The following TGFA variants were observed in gnomAD, a reference collection of about 807,000 sequenced individuals.
TGFA encodes the protein protransforming growth factor alpha.
TGFA carries 12 observed loss-of-function variants against 21.7 expected under a neutral mutation model. The observed-to-expected ratio is 0.55, with a 90% CI of 0.35 to 0.90. The LOEUF is 0.90. Ranked by LOEUF, TGFA falls within the 40% of genes least tolerant of loss-of-function variation. The pLI, the probability that TGFA is intolerant of heterozygous loss-of-function variation, is 0.01. For synonymous variants in TGFA, 79 were observed against 88.1 expected (o/e 0.90, Z 0.58); for missense variants, 178 against 210.8 (o/e 0.84, Z 0.96).
chr2:70,525,037 A>G (rs1336511763), intron 1 of TGFA, among the ~76,000 whole-genome samples: 1 of 152,176 alleles, frequency 6.6e-6, no homozygotes, highest in East Asian at 1.9e-4. Flanking sequence ...CTGAAATCAA[A>G]CCAAGCCCAT....
intron 2 of TGFA, among the ~76,000 whole-genome samples, chr2:70,500,148 T>C (rs1553498918): frequency 1.3e-5 from 2 of 152,192 alleles, no homozygotes; most frequent in African/African-American, 4.8e-5. Context: ...TGTCAAGCAC[T>C]CCACAGCTGC....
At chr2:70,550,330 C>T (rs1553506599) in intron 1 of TGFA, among the ~76,000 whole-genome samples, 1 of 152,080 alleles carries the variant, frequency 6.6e-6, no homozygotes, top group African/African-American at 2.4e-5. Context: ...AGTCTTACAA[C>T]AGCCTGTGAG....
intron 1 of TGFA, among the ~76,000 whole-genome samples, chr2:70,539,174 A>C (rs146359642): frequency 1.8e-3 from 271 of 152,376 alleles, no homozygotes; most frequent in African/African-American, 6.3e-3. Context: ...AGTATAGTGT[A>C]AACATAACTT....
At chr2:70,535,007 C>T (rs1672929201) in intron 1 of TGFA, among the ~76,000 whole-genome samples, 2 of 151,224 alleles carry the variant, frequency 1.3e-5, no homozygotes, top group African/African-American at 4.9e-5. Flanking sequence ...GGAACTTGGG[C>T]AAGTCACCTA....
At chr2:70,511,890 TACACACACACACAC>T (rs36084203) in intron 2 of TGFA, among the ~76,000 whole-genome samples, 21 of 143,042 alleles carry the variant, frequency 1.5e-4, no homozygotes, top group Admixed American at 4.2e-4. Context: ...TAGTCATGAA[TACACACACACACAC>T]ACACACACAC....
At chr2:70,508,064 A>G (rs1671982741) in intron 2 of TGFA, among the ~76,000 whole-genome samples, 1 of 152,252 alleles carries the variant, frequency 6.6e-6, no homozygotes, top group South Asian at 2.1e-4. Flanking sequence ...CCTGTGCATA[A>G]GAAAAGAGCT....
At chr2:70,513,596 G>A (rs79436254) in intron 2 of TGFA, among the ~76,000 whole-genome samples, 4,368 of 152,244 alleles carry the variant, frequency 0.029, 211 homozygotes, top group African/African-American at 0.1. Flanking sequence ...AAGGGTCCAA[G>A]CGCATCAAGG....
intron 1 of TGFA, among the ~76,000 whole-genome samples, chr2:70,531,382 G>A (rs1274809820): frequency 6.6e-6 from 1 of 152,140 alleles, no homozygotes; most frequent in African/African-American, 2.4e-5. Flanking sequence ...ATTCTCCATG[G>A]CTATGGTACT....
chr2:70,501,152 T>C (rs1447158050), intron 2 of TGFA, among the ~76,000 whole-genome samples: 1 of 152,190 alleles, frequency 6.6e-6, no homozygotes, highest in African/African-American at 2.4e-5. Flanking sequence ...TAGCTTGATT[T>C]AGCCATTCCC....
Position 70,447,444 on chromosome 2 carries a change from C to T in TGFA, c.*3415G>A, listed in dbSNP as rs1299530515. On this transcript the variant is annotated 3_prime_UTR_variant, in exon 6 of 6. Coordinates refer to ENST00000295400, the MANE Select transcript of TGFA (RefSeq NM_003236.4). ...AAAATAACTGCTAATCACATTAACA[C>T]ATTACAGAAATCAAAATTAACTTAC... 9 of 152,576 alleles carry T rather than the reference C, an allele frequency of 5.9e-5. No homozygotes were observed. Among genetic ancestry groups the T allele is most frequent in the Admixed American group, 5.9e-4 (9 of 15,280 alleles). 9.5% of individuals were successfully genotyped at this position (152,576 alleles called of 1,614,324 possible). A position where few individuals can be genotyped will look rare whatever the true frequency, so the allele number is the denominator to read the frequency against.
At chr2:70,451,232 G>A (rs1553489587) in intron 5 of TGFA, among the ~76,000 whole-genome samples, 4 of 152,176 alleles carry the variant, frequency 2.6e-5, no homozygotes, top group African/African-American at 9.7e-5. Flanking sequence ...CAGGGCTCTG[G>A]TGGCAGAAAG....
chr2:70,470,534 T>C (rs1553493020), intron 2 of TGFA, among the ~76,000 whole-genome samples: 3 of 152,240 alleles, frequency 2.0e-5, no homozygotes, highest in Non-Finnish European at 4.4e-5. Context: ...CTTCATGTGC[T>C]GTGGTGGATG....
chr2:70,486,536 G>A (rs1671275684), intron 2 of TGFA, among the ~76,000 whole-genome samples: 1 of 152,036 alleles, frequency 6.6e-6, no homozygotes, highest in African/African-American at 2.4e-5. Flanking sequence ...GGAGTGCAGT[G>A]AGGCAAACAC....
At chr2:70,545,221 C>T (rs897317393) in intron 1 of TGFA, among the ~76,000 whole-genome samples, 6 of 148,374 alleles carry the variant, frequency 4.0e-5, no homozygotes, top group East Asian at 2.0e-4. Flanking sequence ...ACGAAGGAGA[C>T]GAAGGAGATG....
At chr2:70,498,158 G>C (rs2103804869) in intron 2 of TGFA, among the ~76,000 whole-genome samples, 1 of 152,344 alleles carries the variant, frequency 6.6e-6, no homozygotes, top group East Asian at 1.9e-4. Context: ...GAAAGAGCTG[G>C]AGCAGCTCAT....
chr2:70,545,411 A>G (rs1673271170), intron 1 of TGFA, among the ~76,000 whole-genome samples: 1 of 152,192 alleles, frequency 6.6e-6, no homozygotes, highest in South Asian at 2.1e-4. Context: ...AGTATGCCCC[A>G]GATCTTATAA....
chr2:70,463,334 G>T (rs1440484407), intron 3 of TGFA, among the ~76,000 whole-genome samples: 1 of 152,164 alleles, frequency 6.6e-6, no homozygotes, highest in Non-Finnish European at 1.5e-5. Flanking sequence ...AATGTGGAGA[G>T]ATGGCCAATC....
chr2:70,542,140 C>T (rs1296173135), intron 1 of TGFA, among the ~76,000 whole-genome samples: 4 of 152,030 alleles, frequency 2.6e-5, no homozygotes, highest in African/African-American at 9.7e-5. Context: ...GCTCTGTCAA[C>T]CCCCCCAAAA....
chr2:70,456,377 C>T lies in TGFA; in HGVS notation c.327G>A (p.Val109=). 6.4e-7 allele frequency: 1 copy of T among 1,571,528 alleles called. No homozygotes were observed. The change falls in exon 4 of 6, where the codon GTG becomes GTA. Residue 109 remains valine (V), a synonymous_variant. Coordinates refer to ENST00000295400, the MANE Select transcript of TGFA (RefSeq NM_003236.4). ...ATGTGATGATAAGGACAGCCAGGGC[C>T]ACGATGGAGACCACCACCAAGGCGG... ...AITALVVVSI[V]ALAVLIITCV...
Sources: gnomAD v4.1 joint callset for allele counts (sites outside exome capture counted in the v4.1 genomes callset) on GRCh38, gnomAD v4.1.1 for gene constraint, MANE v1.5 for transcripts, NCBI Gene and HGNC (gene_info 2026-07-23, HGNC 2026-07-21) for gene names.